Variants in IL1RAPL2 observed in about 807,000 individuals in gnomAD.
IL1RAPL2 encodes the protein X-linked interleukin-1 receptor accessory protein-like 2.
In IL1RAPL2, 3 loss-of-function variants were observed where a neutral mutation model predicts 44.1. The ratio of observed to expected loss-of-function variants is 0.07; its 90% confidence interval spans 0.03 to 0.18. IL1RAPL2 has a LOEUF of 0.18. Ranked by LOEUF, IL1RAPL2 falls within the 10% of genes least tolerant of loss-of-function variation. IL1RAPL2 has a pLI of 1.00. For missense variants in IL1RAPL2, 391 were observed against 496.4 expected (o/e 0.79, Z 2.02); for synonymous variants, 181 against 178.8 (o/e 1.01, Z -0.10).
intron 2 of IL1RAPL2, among the ~76,000 whole-genome samples, chrX:104,765,270 T>C (rs898636634): frequency 8.9e-6 from 1 of 111,904 alleles, no homozygotes; most frequent in Non-Finnish European, 1.9e-5. Context: ...TGTTTTGGGT[T>C]TCTTCCTGGT....
At chrX:105,255,261 C>T (rs1445871332) in intron 4 of IL1RAPL2, among the ~76,000 whole-genome samples, 1 of 111,589 alleles carries the variant, frequency 9.0e-6, no homozygotes, top group Non-Finnish European at 1.9e-5. Context: ...TTTCACCTCT[C>T]TGGTTAGCTA....
chrX:105,014,503 C>T (rs887427341), intron 2 of IL1RAPL2, among the ~76,000 whole-genome samples: 1 of 110,856 alleles, frequency 9.0e-6, no homozygotes, highest in Non-Finnish European at 1.9e-5. Context: ...TATGATGTTC[C>T]CCTCTCTGTG....
chrX:105,534,629 A>C (rs1301224027), intron 6 of IL1RAPL2, among the ~76,000 whole-genome samples: 1 of 112,241 alleles, frequency 8.9e-6, no homozygotes. Context: ...ATAGTTATCA[A>C]GACGGTGTTG....
intron 2 of IL1RAPL2, among the ~76,000 whole-genome samples, chrX:104,764,266 G>T (rs1164185749): frequency 1.8e-5 from 2 of 110,477 alleles, no homozygotes; most frequent in African/African-American, 6.6e-5. Context: ...TCATTATAGA[G>T]ATTTTTTACT....
intron 1 of IL1RAPL2, among the ~76,000 whole-genome samples, chrX:104,614,640 T>A (rs1007711837): frequency 8.9e-6 from 1 of 112,064 alleles, no homozygotes; most frequent in Non-Finnish European, 1.9e-5. Context: ...TCCACACTAT[T>A]ATTGTGTGGC....
intron 1 of IL1RAPL2, among the ~76,000 whole-genome samples, chrX:104,594,813 G>A (rs1320506822): frequency 1.8e-5 from 2 of 111,321 alleles, no homozygotes; most frequent in Admixed American, 9.6e-5. Context: ...AAGGTTAAGG[G>A]ACAGCATCAG....
chrX:104,690,463 T>A (rs1189718227), intron 2 of IL1RAPL2, among the ~76,000 whole-genome samples: 1 of 112,272 alleles, frequency 8.9e-6, no homozygotes, highest in Non-Finnish European at 1.9e-5. Context: ...ACAGCCAACT[T>A]ACTAGCTCTA....
At chrX:104,585,320 T>TTATATATTA (rs1928514901) in intron 1 of IL1RAPL2, among the ~76,000 whole-genome samples, 2 of 20,483 alleles carry the variant, frequency 9.8e-5, no homozygotes, top group South Asian at 1.7e-3. Context: ...ATAATATATA[T>TTATATATTA]TATATATAAT....
At chrX:105,733,651 A>G (rs779661585) in intron 7 of IL1RAPL2, among the ~76,000 whole-genome samples, 26 of 110,845 alleles carry the variant, frequency 2.3e-4, no homozygotes, top group African/African-American at 8.2e-4. Flanking sequence ...TTTGATTTCT[A>G]GAGTTTCCTT....
At chrX:105,395,400 A>G (rs1279433600) in intron 5 of IL1RAPL2, among the ~76,000 whole-genome samples, 1 of 110,181 alleles carries the variant, frequency 9.1e-6, no homozygotes, top group Non-Finnish European at 1.9e-5. Context: ...AAAAGAAGAG[A>G]TATTCTTAAA....
At chrX:104,868,370 G>A (rs759686195) in intron 2 of IL1RAPL2, among the ~76,000 whole-genome samples, 1 of 112,033 alleles carries the variant, frequency 8.9e-6, no homozygotes, top group South Asian at 3.7e-4. Flanking sequence ...TGATGGGATA[G>A]GTTATTCTTT....
At chrX:105,011,727 G>A (rs1443058809) in intron 2 of IL1RAPL2, among the ~76,000 whole-genome samples, 1 of 111,010 alleles carries the variant, frequency 9.0e-6, no homozygotes, top group Non-Finnish European at 1.9e-5. Flanking sequence ...GGGCATGTGG[G>A]TTTGTTTCCA....
chrX:105,684,373 G>T (rs929349965), intron 6 of IL1RAPL2, among the ~76,000 whole-genome samples: 6 of 113,077 alleles, frequency 5.3e-5, no homozygotes, highest in Non-Finnish European at 9.4e-5. Flanking sequence ...CAGACAAGGA[G>T]ATTCTCTCCT....
intron 2 of IL1RAPL2, among the ~76,000 whole-genome samples, chrX:104,789,752 A>G (rs2301377): frequency 0.42 from 47,086 of 111,101 alleles, 7,235 homozygotes; most frequent in East Asian, 0.46. Context: ...TCTAGTTTCA[A>G]TTAAAAACAA....
At chrX:105,623,631 A>G (rs2037434941) in intron 6 of IL1RAPL2, among the ~76,000 whole-genome samples, 1 of 111,136 alleles carries the variant, frequency 9.0e-6, no homozygotes, top group South Asian at 3.7e-4. Flanking sequence ...AATTAGGCAC[A>G]GTGTCATCTG....
intron 5 of IL1RAPL2, among the ~76,000 whole-genome samples, chrX:105,429,432 T>C (rs956588100): frequency 1.8e-5 from 2 of 111,857 alleles, no homozygotes; most frequent in African/African-American, 6.5e-5. Context: ...TAAACAGTGG[T>C]TTTCAAAATT....
intron 2 of IL1RAPL2, among the ~76,000 whole-genome samples, chrX:105,064,494 T>A (rs1431417212): frequency 8.9e-6 from 1 of 112,124 alleles, no homozygotes; most frequent in African/African-American, 3.2e-5. Flanking sequence ...TTAGGGATGA[T>A]TGCTGTAGGC....
At chrX:104,659,565 A>G (rs1343588207) in intron 2 of IL1RAPL2, among the ~76,000 whole-genome samples, 1 of 112,202 alleles carries the variant, frequency 8.9e-6, no homozygotes, top group African/African-American at 3.2e-5. Context: ...AGCTGTAGCC[A>G]GTACATAGTC....
At chrX:105,516,647 C>T (rs2036516661) in intron 6 of IL1RAPL2, among the ~76,000 whole-genome samples, 1 of 111,951 alleles carries the variant, frequency 8.9e-6, no homozygotes, top group Admixed American at 9.5e-5. Flanking sequence ...ATTAGAGTGT[C>T]ATGCACATAG....
Sources: allele counts gnomAD v4.1 joint callset (sites outside exome capture counted in the v4.1 genomes callset), GRCh38; gene constraint gnomAD v4.1.1; transcripts MANE v1.5; gene names NCBI Gene and HGNC (gene_info 2026-07-23, HGNC 2026-07-21).